CNTNAP2: variants seen among roughly 807,000 people sequenced by gnomAD.
CNTNAP2 encodes the protein contactin associated protein 2.
A neutral mutation model predicts 155.2 loss-of-function variants in CNTNAP2; 98 were observed. The ratio of observed to expected loss-of-function variants is 0.63; its 90% CI spans 0.54 to 0.75. CNTNAP2 has a LOEUF of 0.75. Among genes scored for constraint, CNTNAP2 ranks in the 30% least tolerant of loss-of-function variants. The probability of loss-of-function intolerance (pLI) is 0.00; values close to 1 mark genes in which losing one functional copy is unlikely to be tolerated. For synonymous variants in CNTNAP2, 651 were observed against 631.2 expected (o/e 1.03, Z -0.47); for missense variants, 1,727 against 1,688.1 (o/e 1.02, Z -0.40).
At chr7:147,159,712 C>T (rs1250518685) in intron 8 of CNTNAP2, among the ~76,000 whole-genome samples, 1 of 152,054 alleles carries the variant, frequency 6.6e-6, no homozygotes, top group Non-Finnish European at 1.5e-5. Context: ...ATGACTTACC[C>T]AGGTGTACAA....
chr7:147,805,181 C>A (rs1798070807), intron 13 of CNTNAP2, among the ~76,000 whole-genome samples: 1 of 151,866 alleles, frequency 6.6e-6, no homozygotes, highest in South Asian at 2.1e-4. Flanking sequence ...AAGCGATTCT[C>A]CTGCCTCAGC....
chr7:146,556,738 C>G, intron 1 of CNTNAP2, among the ~76,000 whole-genome samples: 1 of 152,136 alleles, frequency 6.6e-6, no homozygotes, highest in Non-Finnish European at 1.5e-5. Flanking sequence ...ATTTAGGAAA[C>G]AAAGTGTAAT....
chr7:148,344,055 G>C (rs1248180618), intron 21 of CNTNAP2, among the ~76,000 whole-genome samples: 1 of 152,222 alleles, frequency 6.6e-6, no homozygotes, highest in Non-Finnish European at 1.5e-5. Flanking sequence ...CCTTGGGTGA[G>C]AGCGTTGTCC....
At chr7:147,597,192 G>A (rs1179592652) in intron 12 of CNTNAP2, among the ~76,000 whole-genome samples, 2 of 152,128 alleles carry the variant, frequency 1.3e-5, no homozygotes, top group Non-Finnish European at 2.9e-5. Context: ...CTTGCTCTGA[G>A]TTCTTTCTTG....
intron 4 of CNTNAP2, among the ~76,000 whole-genome samples, chr7:147,064,895 A>C (rs1005595158): frequency 6.6e-6 from 1 of 152,200 alleles, no homozygotes; most frequent in Non-Finnish European, 1.5e-5. Context: ...TCAATTTTGC[A>C]GTTTCAAGAG....
intron 1 of CNTNAP2, among the ~76,000 whole-genome samples, chr7:146,348,916 A>T (rs1382106811): frequency 6.6e-6 from 1 of 151,404 alleles, no homozygotes; most frequent in Non-Finnish European, 1.5e-5. Context: ...TAAGAGATAG[A>T]CTTTCTTCTT....
chr7:147,949,440 GTATATA>G (rs57422437), intron 14 of CNTNAP2, among the ~76,000 whole-genome samples: 6 of 127,366 alleles, frequency 4.7e-5, no homozygotes, highest in Non-Finnish European at 6.9e-5. Flanking sequence ...TCAACTGTGT[GTATATA>G]TATATATATA....
chr7:146,810,803 A>G (rs1488548111), intron 2 of CNTNAP2, among the ~76,000 whole-genome samples: 1 of 152,178 alleles, frequency 6.6e-6, no homozygotes, highest in Admixed American at 6.5e-5. Context: ...ATGTTGAAGT[A>G]TATTCATTCT....
chr7:146,458,408 C>A lies in CNTNAP2; in HGVS notation c.98-315863C>A, dbSNP rs576405076. On this transcript the variant is annotated intron_variant, in intron 1 of 23. Coordinates refer to ENST00000361727, the MANE Select transcript of CNTNAP2 (RefSeq NM_014141.6). ...ATTAAGAAAAAAATCCCATCTAATA[C>A]GAAAACCACGCAGGAATGTACAATA... 7.2e-5 allele frequency among the ~76,000 whole-genome samples: 11 copies of A among 152,182 alleles called. No homozygotes were observed. The South Asian group carries it at 2.1e-3, about 29-fold the overall frequency.
At chr7:146,133,983 G>C (rs1797758052) in intron 1 of CNTNAP2, among the ~76,000 whole-genome samples, 1 of 150,112 alleles carries the variant, frequency 6.7e-6, no homozygotes, top group South Asian at 2.2e-4. Context: ...GGATGGCATT[G>C]AATCTGTAAA....
chr7:148,132,707 A>C (rs889321905), intron 16 of CNTNAP2, among the ~76,000 whole-genome samples: 2 of 152,200 alleles, frequency 1.3e-5, no homozygotes, highest in Non-Finnish European at 2.9e-5. Context: ...CTCCACAGGG[A>C]AAGTTTTTAT....
chr7:147,491,075 G>C (rs1194724749), intron 11 of CNTNAP2, among the ~76,000 whole-genome samples: 1 of 152,088 alleles, frequency 6.6e-6, no homozygotes, highest in Admixed American at 6.6e-5. Context: ...AGATTTGGGT[G>C]GGGACACAGA....
chr7:146,147,123 G>A (rs1362956104), intron 1 of CNTNAP2, among the ~76,000 whole-genome samples: 2 of 152,110 alleles, frequency 1.3e-5, no homozygotes, highest in Non-Finnish European at 2.9e-5. Flanking sequence ...AAGCCCCAGT[G>A]ATTCAATTGC....
intron 1 of CNTNAP2, among the ~76,000 whole-genome samples, chr7:146,247,021 G>A (rs990428304): frequency 2.0e-5 from 3 of 152,174 alleles, no homozygotes; most frequent in Non-Finnish European, 2.9e-5. Flanking sequence ...CTGTTGTGGG[G>A]TTTGAGGGCC....
At chr7:146,780,641 G>A (rs966084850) in intron 2 of CNTNAP2, among the ~76,000 whole-genome samples, 1 of 151,946 alleles carries the variant, frequency 6.6e-6, no homozygotes, top group Non-Finnish European at 1.5e-5. Flanking sequence ...ACCAATGATG[G>A]ACTGGATAAA....
chr7:147,576,413 A>G (rs1485209081), intron 12 of CNTNAP2, among the ~76,000 whole-genome samples: 1 of 152,148 alleles, frequency 6.6e-6, no homozygotes, highest in East Asian at 1.9e-4. Context: ...TAAACTTGAA[A>G]AAGTCCAAGT....
In CNTNAP2 at chr7:147,096,729, G is replaced by A. The variant is rs192719677; in HGVS notation, c.551-11418G>A. 5.3e-5 allele frequency among the ~76,000 whole-genome samples: 8 copies of A among 152,260 alleles called. No individual in the cohort carries two copies. In the East Asian group the frequency reaches 1.4e-3, roughly 26 times the overall value. On this transcript the variant is annotated intron_variant, in intron 4 of 23. Coordinates refer to ENST00000361727, the MANE Select transcript of CNTNAP2 (RefSeq NM_014141.6). ...AGTTGTGTAAGTACTGCTCATTTATGAAAATAAATTAATTCAACCTCTTCT... is the reference window on the plus strand; with the variant it reads ...AGTTGTGTAAGTACTGCTCATTTATAAAAATAAATTAATTCAACCTCTTCT...
At chr7:147,098,309 G>A (rs1026129786) in intron 4 of CNTNAP2, among the ~76,000 whole-genome samples, 1 of 152,144 alleles carries the variant, frequency 6.6e-6, no homozygotes, top group Non-Finnish European at 1.5e-5. Context: ...CCCTGCACAT[G>A]AATTGTAAGC....
intron 21 of CNTNAP2, among the ~76,000 whole-genome samples, chr7:148,333,579 A>T (rs1337408909): frequency 1.3e-5 from 2 of 152,224 alleles, no homozygotes; most frequent in East Asian, 1.9e-4. Context: ...ACCAGAAATG[A>T]TAGAAAACCT....
Sources: gnomAD v4.1 joint callset for allele counts (sites outside exome capture counted in the v4.1 genomes callset) on GRCh38, gnomAD v4.1.1 for gene constraint, MANE v1.5 for transcripts, NCBI Gene and HGNC (gene_info 2026-07-23, HGNC 2026-07-21) for gene names.